ZNF423: variants seen among roughly 807,000 people sequenced by gnomAD.
The protein encoded by ZNF423 is zinc finger protein 423.
Under a neutral mutation model 95.8 loss-of-function variants are expected in ZNF423, and 12 were observed. The ratio of observed to expected loss-of-function variants is 0.13; its 90% confidence interval spans 0.08 to 0.20. The LOEUF is 0.20. ZNF423 is among the 10% of genes least tolerant of loss of function. ZNF423 has a pLI of 1.00. For synonymous variants in ZNF423, 749 were observed against 711.9 expected (o/e 1.05, Z -0.83); for missense variants, 1,316 against 1,737.1 (o/e 0.76, Z 4.31).
At chr16:49,699,743 C>T (rs562850536) in intron 3 of ZNF423, among the ~76,000 whole-genome samples, 1 of 152,182 alleles carries the variant, frequency 6.6e-6, no homozygotes, top group African/African-American at 2.4e-5. Context: ...ACCATGCCAT[C>T]CCCACTGGAT....
chr16:49,700,233 G>A (rs78760779), intron 3 of ZNF423, among the ~76,000 whole-genome samples: 12,219 of 140,100 alleles, frequency 0.087, 1,412 homozygotes, highest in African/African-American at 0.26. Context: ...AGAAGAAGAA[G>A]AAAAAAAGAA....
Position 49,749,533 on chromosome 16 carries a change from G to A in ZNF423, c.101-18562C>T, listed in dbSNP as rs559981983. 1.1e-3 allele frequency among the ~76,000 whole-genome samples: 166 copies of A among 152,350 alleles called. 1 individual carries two copies. The highest frequency in any genetic ancestry group is 3.9e-3 in the African/African-American group (161 of 41,584). On this transcript the variant is annotated intron_variant, in intron 2 of 7. Coordinates refer to ENST00000563137, the MANE Select transcript of ZNF423 (RefSeq NM_001379286.1). Reference sequence around the variant, plus strand: ...CCTGAAATCTCACTACCAGAGCTTGGGGCTGTGACCACTTTGATGAGCGCG... The same window carrying A: ...CCTGAAATCTCACTACCAGAGCTTGAGGCTGTGACCACTTTGATGAGCGCG...
chr16:49,581,795 A>C (rs181319954), intron 5 of ZNF423, among the ~76,000 whole-genome samples: 2 of 152,258 alleles, frequency 1.3e-5, no homozygotes, highest in East Asian at 3.9e-4. Context: ...CTATTAAGCA[A>C]GGCTCGAGGA....
At chr16:49,819,717 A>G (rs900206364) in intron 1 of ZNF423, among the ~76,000 whole-genome samples, 6 of 152,076 alleles carry the variant, frequency 3.9e-5, no homozygotes, top group Non-Finnish European at 7.4e-5. Context: ...CCAAAGTGCT[A>G]GATTACAGGA....
intron 2 of ZNF423, among the ~76,000 whole-genome samples, chr16:49,735,722 A>C (rs2143440571): frequency 6.6e-6 from 1 of 152,238 alleles, no homozygotes; most frequent in Admixed American, 6.5e-5. Context: ...ATGGAGAGAG[A>C]GCACATAGGG....
intron 7 of ZNF423, among the ~76,000 whole-genome samples, chr16:49,506,999 G>A (rs1442101866): frequency 6.6e-6 from 1 of 152,092 alleles, no homozygotes; most frequent in African/African-American, 2.4e-5. Flanking sequence ...AACTGGGTAG[G>A]ACGGTAAACG....
At chr16:49,731,990 G>A (rs1367496437) in intron 2 of ZNF423, among the ~76,000 whole-genome samples, 2 of 152,164 alleles carry the variant, frequency 1.3e-5, no homozygotes, top group African/African-American at 2.4e-5. Context: ...CCTTGCAATT[G>A]TGCTGTGTTC....
intron 3 of ZNF423, among the ~76,000 whole-genome samples, chr16:49,644,204 G>A (rs910399164): frequency 6.6e-6 from 1 of 152,186 alleles, no homozygotes; most frequent in Non-Finnish European, 1.5e-5. Flanking sequence ...ACACATGGAA[G>A]AGGAAGTGAA....
At chr16:49,600,526 T>C (rs1235692662) in intron 5 of ZNF423, among the ~76,000 whole-genome samples, 2 of 151,686 alleles carry the variant, frequency 1.3e-5, no homozygotes, top group Admixed American at 6.6e-5. Context: ...CAGGGTCAGA[T>C]AGACACAATT....
In ZNF423 at chr16:49,635,952, G is replaced by A. The variant is rs1338776361; in HGVS notation, c.3224C>T (p.Ala1075Val). The A allele has an allele frequency of 1.9e-6, 3 of 1,595,666 alleles. No individual in the cohort carries two copies. The highest frequency in any genetic ancestry group is 2.6e-6 in the Non-Finnish European group (3 of 1,169,942). The change falls in exon 4 of 8, where the codon GCC becomes GTC. Residue 1075 changes from alanine (A) to valine (V), a missense_variant. Coordinates refer to ENST00000563137, the MANE Select transcript of ZNF423 (RefSeq NM_001379286.1). This position sits in a 1 kb window ranked among gnomAD's most constrained non-coding sequence, Gnocchi z 4.8. ...GQGLQKLYKC[A>V]LCLKEFRSKQ... ...GCTGCGGAACTCCTTGAGGCACAGG[G>A]CGCACTTGTAGAGCTTCTGCAGCCC...
chr16:49,493,060 G>A (rs577148115), intron 7 of ZNF423, among the ~76,000 whole-genome samples: 1 of 152,256 alleles, frequency 6.6e-6, no homozygotes, highest in Non-Finnish European at 1.5e-5. Context: ...CAGGCAGGTT[G>A]TCTGAGGCCA....
chr16:49,548,237 A>T (rs1353396118), intron 5 of ZNF423, among the ~76,000 whole-genome samples: 1 of 152,204 alleles, frequency 6.6e-6, no homozygotes, highest in East Asian at 1.9e-4. Flanking sequence ...AATGCTTTAA[A>T]ATGTCACTTG....
chr16:49,664,044 C>T, intron 3 of ZNF423: 2 of 984,814 alleles, frequency 2.0e-6, no homozygotes, highest in Non-Finnish European at 2.4e-6. Context: ...ATTCTTCCCC[C>T]TTCCAACCCA....
In ZNF423 at chr16:49,750,043, G is replaced by C. The variant is rs149687897; in HGVS notation, c.101-19072C>G. The stretch of plus-strand genomic sequence containing the variant: ...GGCTGACCTTGAAGGGAAGGCTGCC[G>C]TCAGCCCATACCTTGCCGAACAGCC... On this transcript the variant is annotated intron_variant, in intron 2 of 7. Transcript: ENST00000563137. Among the ~76,000 whole-genome samples the C allele has an allele frequency of 3.7e-4, 56 of 152,308 alleles. No homozygotes were observed. The East Asian group carries it at 3.9e-3, about 11-fold the overall frequency.
At chr16:49,507,611 C>T (rs573393775) in intron 7 of ZNF423, among the ~76,000 whole-genome samples, 1 of 145,914 alleles carries the variant, frequency 6.9e-6, no homozygotes, top group African/African-American at 2.6e-5. Context: ...ACACTCAAAC[C>T]CAAATGAGTA....
At chr16:49,714,956 G>A (rs2143183639) in intron 3 of ZNF423, among the ~76,000 whole-genome samples, 1 of 152,182 alleles carries the variant, frequency 6.6e-6, no homozygotes, top group East Asian at 1.9e-4. Context: ...AGGAGGGGAA[G>A]GCTTCTTTCC....
At chr16:49,513,876 A>C (rs1031919540) in intron 7 of ZNF423, among the ~76,000 whole-genome samples, 2 of 152,024 alleles carry the variant, frequency 1.3e-5, no homozygotes, top group Admixed American at 1.3e-4. Flanking sequence ...CATTAAGAGA[A>C]AGAAAGGGTA....
chr16:49,771,744 T>G (rs907776785), intron 2 of ZNF423, among the ~76,000 whole-genome samples: 1 of 152,200 alleles, frequency 6.6e-6, no homozygotes, highest in Non-Finnish European at 1.5e-5. Flanking sequence ...TTATGAGGCC[T>G]CCCAGCCATG....
At chr16:49,677,325 G>GGGAAGGGAAGAGAAGAGAA (rs2031141573) in intron 3 of ZNF423, among the ~76,000 whole-genome samples, 1 of 22,668 alleles carries the variant, frequency 4.4e-5, no homozygotes, top group Non-Finnish European at 9.1e-5. Flanking sequence ...GGGGAAGGGA[G>GGGAAGGGAAGAGAAGAGAA]GGGAGGGGAG....
Sources: allele counts gnomAD v4.1 joint callset (sites outside exome capture counted in the v4.1 genomes callset), GRCh38; gene constraint gnomAD v4.1.1; non-coding constraint Gnocchi (gnomAD v3.1); transcripts MANE v1.5; gene names NCBI Gene and HGNC (gene_info 2026-07-23, HGNC 2026-07-21).